Variants in ELF5 observed in about 807,000 individuals in gnomAD.
ELF5 encodes E74 like ETS transcription factor 5, also known as ETS-related transcription factor Elf-5.
Under a neutral mutation model 38.2 loss-of-function variants are expected in ELF5, and 31 were observed. That is an observed-to-expected ratio of 0.81 (90% CI 0.61 to 1.10). The LOEUF is 1.10. Among genes scored for constraint, ELF5 ranks in the 50% least tolerant of loss-of-function variants. The probability of loss-of-function intolerance (pLI) is 0.00; values close to 1 mark genes in which losing one functional copy is unlikely to be tolerated. For synonymous variants in ELF5, 121 were observed against 112.5 expected (o/e 1.08, Z -0.48); for missense variants, 300 against 306.6 (o/e 0.98, Z 0.16).
At chr11:34,489,933 C>T in intron 4 of ELF5, 76 bp downstream of exon 4, 1 of 1,542,200 alleles carries the variant, frequency 6.5e-7, no homozygotes, top group Non-Finnish European at 9.0e-7. Context: ...TCAGTATGAT[C>T]CTAAAAGAAT....
rs1856896245 is a variant in ELF5 at position 34,480,058 on chromosome 11, A to G, written c.*160T>C. 3.1e-6 allele frequency: 2 copies of G among 639,030 alleles called. No individual in the cohort carries two copies. The highest frequency in any genetic ancestry group is 5.4e-6 in the Non-Finnish European group (2 of 370,684). The allele number at this position is 639,030 out of a possible 1,614,324, so 39.6% of individuals were successfully genotyped here. The stretch of plus-strand genomic sequence containing the variant: ...TCTGCTCTCACCCTCCATAGACAAC[A>G]ACTCTGAATCCAAATGTAAGCTGAG... On this transcript the variant is annotated 3_prime_UTR_variant, in exon 7 of 7. Transcript: ENST00000257832.
intron 2 of ELF5, among the ~76,000 whole-genome samples, chr11:34,496,266 G>C (rs1341522424): frequency 6.6e-6 from 1 of 152,244 alleles, no homozygotes; most frequent in Non-Finnish European, 1.5e-5. Context: ...CTTTGTGTGC[G>C]GCCTCGGCCC....
chr11:34,508,418 G>A (rs1005206177), intron 1 of ELF5, among the ~76,000 whole-genome samples: 1 of 152,034 alleles, frequency 6.6e-6, no homozygotes, highest in African/African-American at 2.4e-5. Context: ...CAGGAGAATC[G>A]CTTGAACCTG....
chr11:34,482,373 A>G (rs1856961089), intron 5 of ELF5, 58 bp downstream of exon 5: 9 of 1,486,844 alleles, frequency 6.1e-6, no homozygotes, highest in Non-Finnish European at 8.4e-6. Context: ...AAAGTAGATG[A>G]CTTTGTCTGA....
intron 1 of ELF5, chr11:34,511,870 T>TTTTTTCATGATACG: frequency 2.3e-6 from 1 of 435,100 alleles, no homozygotes. Context: ...ACTCTGGGCA[T>TTTTTTCATGATACG]GTGACCAAAA....
intron 1 of ELF5, chr11:34,511,733 T>C (rs1406923391): frequency 5.0e-6 from 4 of 794,304 alleles, no homozygotes; most frequent in Non-Finnish European, 8.0e-6. Flanking sequence ...GTGGCTCCCA[T>C]GGCCTGAGCA....
intron 3 of ELF5, among the ~76,000 whole-genome samples, chr11:34,490,920 C>G (rs775049586): frequency 4.0e-4 from 61 of 152,086 alleles, no homozygotes; most frequent in Non-Finnish European, 6.8e-4. Flanking sequence ...GGGGCTCATT[C>G]CCCTCCTAGG....
At chr11:34,493,406 G>T (rs1248294266) in intron 3 of ELF5, 73 bp downstream of exon 3, 11 of 1,422,272 alleles carry the variant, frequency 7.7e-6, no homozygotes, top group African/African-American at 1.4e-5. Flanking sequence ...CACACGATGG[G>T]AAAGGACTTC....
rs73438712 is a variant in ELF5 at position 34,487,973 on chromosome 11, C to T, written c.406+2036G>A. On this transcript the variant is annotated intron_variant, in intron 4 of 6. Transcript: ENST00000257832. ...CAAGATTGTTCCACCTCGTGACCTC[C>T]GCACTGGCCATTCGCTGCTTGGAAC... Among the ~76,000 whole-genome samples the T allele has an allele frequency of 2.9e-3, 439 of 152,198 alleles. 2 individuals are homozygous for T. The highest frequency in any genetic ancestry group is 9.8e-3 in the African/African-American group (406 of 41,506).
At position 34,479,152 on chromosome 11, in the gene ELF5, A is replaced by G. The variant is rs897498368; in HGVS notation, c.*1066T>C. ...TACGTGTTATAGCGCTTGAATACACATCAGGTAGAAAGACAAAACAAAAAA... is the reference window on the plus strand; with the variant it reads ...TACGTGTTATAGCGCTTGAATACACGTCAGGTAGAAAGACAAAACAAAAAA... On this transcript the variant is annotated 3_prime_UTR_variant, in exon 7 of 7. Transcript: ENST00000257832. The G allele has an allele frequency of 2.4e-4, 37 of 152,694 alleles. No homozygotes were observed. The highest frequency in any genetic ancestry group is 8.9e-4 in the African/African-American group (37 of 41,466). The allele number at this position is 152,694 out of a possible 1,614,324, so 9.5% of individuals were successfully genotyped here. A position where few individuals can be genotyped will look rare whatever the true frequency, so the allele number is the denominator to read the frequency against.
At chr11:34,513,084 A>G (rs1319870215) in intron 1 of ELF5, among the ~76,000 whole-genome samples, 1 of 152,224 alleles carries the variant, frequency 6.6e-6, no homozygotes, top group Non-Finnish European at 1.5e-5. Flanking sequence ...AGAGTCTGAC[A>G]AGGCCTGAGA....
At chr11:34,494,509 T>C (rs1035350878) in intron 2 of ELF5, among the ~76,000 whole-genome samples, 1 of 152,198 alleles carries the variant, frequency 6.6e-6, no homozygotes, top group Admixed American at 6.5e-5. Flanking sequence ...GAGTAATTTC[T>C]ATCCTGAGAT....
rs1246385641 is a variant in ELF5 at position 34,505,706 on chromosome 11, G to A, written c.44C>T (p.Ser15Phe). The A allele has an allele frequency of 5.0e-6, 8 of 1,613,996 alleles. No individual in the cohort carries two copies. In the African/African-American group the frequency reaches 8.0e-5, roughly 16 times the overall value. ...CCACGACATCAGGGGATCGCAGAAG[G>A]ATGCATTAGGCAGGAAGGTGCTGTG... Reference protein sequence around the residue: ...VTHSTFLPNASFCDPLMSWTD... With the variant: ...VTHSTFLPNAFFCDPLMSWTD... The change falls in exon 2 of 7, where the codon TCC (serine) becomes TTC (phenylalanine). Residue 15 changes from serine to phenylalanine, a missense_variant. By Grantham distance (155) the Ser-to-Phe change is radical. Transcript: ENST00000257832.
intron 1 of ELF5, 32 bp from the exon 2 acceptor site, chr11:34,505,785 G>A (rs1378263601): frequency 6.2e-7 from 1 of 1,606,716 alleles, no homozygotes; most frequent in South Asian, 1.1e-5. Context: ...TGAGGAGGCT[G>A]GGGTGAGGTA....
At chr11:34,488,811 C>T (rs1461042638) in intron 4 of ELF5, among the ~76,000 whole-genome samples, 4 of 152,206 alleles carry the variant, frequency 2.6e-5, no homozygotes, top group South Asian at 2.1e-4. Context: ...AAAGCAAATG[C>T]CTGCCTGTGG....
At chr11:34,490,547 G>A (rs1308186047) in intron 3 of ELF5, among the ~76,000 whole-genome samples, 1 of 152,202 alleles carries the variant, frequency 6.6e-6, no homozygotes, top group Admixed American at 6.5e-5. Context: ...GTTATGTGCT[G>A]GTCAGTGGGG....
At chr11:34,504,080 A>G (rs901107344) in intron 2 of ELF5, among the ~76,000 whole-genome samples, 1 of 152,106 alleles carries the variant, frequency 6.6e-6, no homozygotes, top group African/African-American at 2.4e-5. Context: ...ATAGGCAGAA[A>G]GAGGGGGCTC....
At chr11:34,493,785 T>C in intron 2 of ELF5, 73 bp from the exon 3 acceptor site, 2 of 1,316,850 alleles carry the variant, frequency 1.5e-6, no homozygotes, top group Non-Finnish European at 2.1e-6. Context: ...GAAGGATGCA[T>C]CAGTTAAGTA....
intron 4 of ELF5, among the ~76,000 whole-genome samples, chr11:34,486,870 C>T (rs745921113): frequency 6.6e-6 from 1 of 152,144 alleles, no homozygotes; most frequent in Non-Finnish European, 1.5e-5. Flanking sequence ...TGCTGAAAGC[C>T]CCAGGATGCC....
Sources: allele counts gnomAD v4.1 joint callset (sites outside exome capture counted in the v4.1 genomes callset), GRCh38; gene constraint gnomAD v4.1.1; transcripts MANE v1.5; gene names NCBI Gene and HGNC (gene_info 2026-07-23, HGNC 2026-07-21).